FBXL18: variants seen among roughly 807,000 people sequenced by gnomAD.
FBXL18 encodes F-box/LRR-repeat protein 18.
In FBXL18, 36 loss-of-function variants were observed where a neutral mutation model predicts 46.0. That is an observed-to-expected ratio of 0.78 (90% CI 0.60 to 1.03). FBXL18 has a LOEUF of 1.03. Among genes scored for constraint, FBXL18 ranks in the 50% least tolerant of loss-of-function variants. The pLI is 0.00. For synonymous variants in FBXL18, 557 were observed against 465.3 expected (o/e 1.20, Z -2.54); for missense variants, 977 against 1,004.1 (o/e 0.97, Z 0.36).
intron 4 of FBXL18, among the ~76,000 whole-genome samples, chr7:5,457,322 T>A (rs780030551): frequency 6.6e-6 from 1 of 152,184 alleles, no homozygotes; most frequent in Non-Finnish European, 1.5e-5. Context: ...GGTTCAGTAG[T>A]AGGAATAAAC....
At chr7:5,454,660 CTGAG>C (rs544917906) in intron 4 of FBXL18, among the ~76,000 whole-genome samples, 527 of 152,252 alleles carry the variant, frequency 3.5e-3, no homozygotes, top group Middle Eastern at 0.01. Flanking sequence ...AGATGGGGCC[CTGAG>C]TGAGGCTCAG....
chr7:5,504,665 C>T (rs1784348142), intron 2 of FBXL18, among the ~76,000 whole-genome samples: 1 of 148,298 alleles, frequency 6.7e-6, no homozygotes, highest in African/African-American at 2.4e-5. Context: ...CCTGTAATCC[C>T]AGCACTTTGG....
intron 4 of FBXL18, among the ~76,000 whole-genome samples, chr7:5,468,059 T>C (rs1221399132): frequency 6.6e-6 from 1 of 151,068 alleles, no homozygotes; most frequent in African/African-American, 2.4e-5. Context: ...CTCGGCTCAC[T>C]GCAAGCTCTG....
rs376125871 is a variant in FBXL18 at position 5,481,754 on chromosome 7, G to A, written c.*21C>T. ...GCAGCTTCTCGAGGTGACTGAGACCGATGGGCGGCGGCTCCGCCTCTCACC... is the reference window on the plus strand; with the variant it reads ...GCAGCTTCTCGAGGTGACTGAGACCAATGGGCGGCGGCTCCGCCTCTCACC... On this transcript the variant is annotated 3_prime_UTR_variant, in exon 5 of 5. Coordinates refer to ENST00000382368, the MANE Select transcript of FBXL18 (RefSeq NM_024963.6). 2.8e-5 allele frequency: 45 copies of A among 1,612,444 alleles called. No homozygotes were observed. The highest frequency in any genetic ancestry group is 8.0e-5 in the African/African-American group (6 of 74,918).
chr7:5,492,583 C>T (rs1228683869), intron 3 of FBXL18, among the ~76,000 whole-genome samples: 1 of 152,044 alleles, frequency 6.6e-6, no homozygotes, highest in African/African-American at 2.4e-5. Context: ...ACCTTGGGAC[C>T]TGAGGGTGTG....
At chr7:5,495,859 C>T (rs1784064612) in intron 3 of FBXL18, 2 of 480,950 alleles carry the variant, frequency 4.2e-6, no homozygotes, top group South Asian at 3.1e-5. Flanking sequence ...TTGTTCTGAA[C>T]AGGCAGTACC....
At chr7:5,470,619 C>T (rs1354362850) in intron 4 of FBXL18, among the ~76,000 whole-genome samples, 1 of 152,150 alleles carries the variant, frequency 6.6e-6, no homozygotes, top group African/African-American at 2.4e-5. Context: ...ACACAACACA[C>T]AAAAGGAAGG....
intron 4 of FBXL18, among the ~76,000 whole-genome samples, chr7:5,462,964 AAAAAAATATAT>A (rs1449725652): frequency 2.5e-4 from 6 of 24,272 alleles, no homozygotes; most frequent in South Asian, 2.8e-3. Context: ...AAAAAAAAAA[AAAAAAATATAT>A]ATATATATAT....
chr7:5,495,771 C>T, intron 3 of FBXL18: 1 of 471,682 alleles, frequency 2.1e-6, no homozygotes. Context: ...CCTTCCACTG[C>T]AGCGTCCGGG....
intron 4 of FBXL18, 94 bp from the exon 5 acceptor site, chr7:5,482,025 C>A: frequency 6.9e-7 from 1 of 1,453,824 alleles, no homozygotes; most frequent in Non-Finnish European, 9.2e-7. Context: ...ACACCTGCCT[C>A]CCCGTCCCGG....
chr7:5,493,868 T>G (rs1233581900), intron 3 of FBXL18, among the ~76,000 whole-genome samples: 1 of 151,894 alleles, frequency 6.6e-6, no homozygotes, highest in Non-Finnish European at 1.5e-5. Context: ...GTGCGGTGGC[T>G]CACGTCTATA....
At chr7:5,508,786 G>C (rs967445057) in intron 1 of FBXL18, among the ~76,000 whole-genome samples, 1 of 152,042 alleles carries the variant, frequency 6.6e-6, no homozygotes, top group African/African-American at 2.4e-5. Flanking sequence ...CCTTATCAAG[G>C]AATGAACTGT....
rs1047560504 is a variant in FBXL18, at chr7:5,513,731, G to C, written c.-57C>G. Reference sequence around the variant, plus strand: ...ATCCGCAACCCCGTGCCTCCCACCTGCCCGGCTAGGGATGCTCGAAGCCGG... The same window carrying C: ...ATCCGCAACCCCGTGCCTCCCACCTCCCCGGCTAGGGATGCTCGAAGCCGG... On this transcript the variant is annotated 5_prime_UTR_variant, in exon 1 of 5. Transcript: ENST00000382368. 7.6e-6 allele frequency: 12 copies of C among 1,577,486 alleles called. No individual in the cohort carries two copies. In the African/African-American group the frequency reaches 1.4e-4, roughly 18 times the overall value.
chr7:5,511,261 C>T (rs980922722), intron 1 of FBXL18, among the ~76,000 whole-genome samples: 3 of 151,418 alleles, frequency 2.0e-5, no homozygotes, highest in Non-Finnish European at 4.4e-5. Context: ...ACGGTGAAAC[C>T]CCGTCTCTAC....
rs973260628 is a variant in FBXL18 at position 5,480,974 on chromosome 7, G to A, written c.*801C>T. ...TGTTTCGCGTTATTCTAACAAAGCC[G>A]AATGTGTATCGATTTCCCCAGGAAC... is the stretch of plus-strand genomic sequence containing the variant. On this transcript the variant is annotated 3_prime_UTR_variant, in exon 5 of 5. Transcript: ENST00000382368. 1 of 139,244 alleles carries A rather than the reference G, an allele frequency of 7.2e-6. No homozygotes were observed. The highest frequency in any genetic ancestry group is 1.5e-5 in the Non-Finnish European group (1 of 64,842). 8.6% of individuals were successfully genotyped at this position (139,244 alleles called of 1,614,324 possible).
At position 5,496,939 on chromosome 7, in the gene FBXL18, G is replaced by C. The variant is rs1280863374; in HGVS notation, c.1781+3549C>G. ...CCAGCTACTCTGGAGGCTGAGACAG[G>C]AGAATCGCTTGAATCCAGGAGGCAG... On this transcript the variant is annotated intron_variant, in intron 3 of 4. Coordinates refer to ENST00000382368, the MANE Select transcript of FBXL18 (RefSeq NM_024963.6). This position sits in a 1 kb window ranked among gnomAD's most constrained non-coding sequence, Gnocchi z 4.8. Among the ~76,000 whole-genome samples the C allele has an allele frequency of 6.6e-6, 1 of 150,702 alleles. No homozygotes were observed. Among genetic ancestry groups the C allele is most frequent in the African/African-American group, 2.5e-5 (1 of 40,682 alleles).
downstream of FBXL18, among the ~76,000 whole-genome samples, chr7:5,474,001 T>C (rs928355048): frequency 6.6e-6 from 1 of 151,962 alleles, no homozygotes; most frequent in African/African-American, 2.4e-5. Context: ...TTCACCATGT[T>C]GGTCAGGCTG....
intron 4 of FBXL18, among the ~76,000 whole-genome samples, chr7:5,485,504 C>CA (rs1484428296): frequency 2.6e-5 from 4 of 151,522 alleles, no homozygotes; most frequent in East Asian, 1.9e-4. Context: ...ATCAGATGTG[C>CA]AAAAAAAATA....
chr7:5,476,460 TCTG>T lies in FBXL18; in HGVS notation c.*5312_*5314del, dbSNP rs1584194226. 6.6e-6 allele frequency: 1 copy of T among 152,124 alleles called. No homozygotes were observed. Among genetic ancestry groups the T allele is most frequent in the Non-Finnish European group, 1.5e-5 (1 of 68,064 alleles). The allele number at this position is 152,124 out of a possible 1,614,324, so 9.4% of individuals were successfully genotyped here. A position where few individuals can be genotyped will look rare whatever the true frequency, so the allele number is the denominator to read the frequency against. ...CCCGTAAACCGACCCCTTCAGCGTT[TCTG>T]CTTTTTGTTGTTTGTTTTCTGAGAC... On this transcript the variant is annotated 3_prime_UTR_variant, in exon 5 of 5. Coordinates refer to ENST00000382368, the MANE Select transcript of FBXL18 (RefSeq NM_024963.6).
Sources: allele counts gnomAD v4.1 joint callset (sites outside exome capture counted in the v4.1 genomes callset), GRCh38; gene constraint gnomAD v4.1.1; non-coding constraint Gnocchi (gnomAD v3.1); transcripts MANE v1.5; gene names NCBI Gene and HGNC (gene_info 2026-07-23, HGNC 2026-07-21).